The following MBP variants were observed in gnomAD, a reference collection of about 807,000 sequenced individuals.
MBP encodes Golli-MBP.
MBP carries 16 observed loss-of-function variants against 35.8 expected under a neutral mutation model. The observed-to-expected ratio is 0.45, with a 90% CI of 0.30 to 0.68. MBP has a LOEUF of 0.68. Ranked by LOEUF, MBP falls within the 30% of genes least tolerant of loss-of-function variation. The pLI is 0.08. For synonymous variants in MBP, 143 were observed against 159.6 expected, an observed-to-expected ratio of 0.90 and a Z score of 0.78; for missense variants, 380 against 404.7, an observed-to-expected ratio of 0.94 and a Z score of 0.52.
intron 1 of MBP, among the ~76,000 whole-genome samples, chr18:77,106,923 T>C (rs1395234240): frequency 6.6e-6 from 1 of 152,186 alleles, no homozygotes; most frequent in East Asian, 1.9e-4. Flanking sequence ...GCACATGTGG[T>C]GCCTTACTGG....
chr18:77,037,877 G>A lies in MBP; in HGVS notation c.140-20609C>T, dbSNP rs184948282. On this transcript the variant is annotated intron_variant, in intron 3 of 8. Coordinates refer to ENST00000355994, the MANE Select transcript of MBP (RefSeq NM_001025101.2). ...GAACAGGCCTCCCGAGGTCTGCAGC[G>A]TGTTCACCAATTATACAGAAATAAT... Among the ~76,000 whole-genome samples, 20 of 152,368 alleles carry A rather than the reference G, an allele frequency of 1.3e-4. No homozygotes were observed. In the South Asian group the frequency reaches 1.5e-3, roughly 11 times the overall value.
chr18:77,124,084 G>C (rs72973252), intron 1 of MBP, among the ~76,000 whole-genome samples: 40,350 of 151,958 alleles, frequency 0.27, 5,281 homozygotes, highest in Middle Eastern at 0.34. Flanking sequence ...CTCTCTGGGA[G>C]CATCCCGTGT....
At chr18:77,056,726 G>C (rs1973739330) in intron 3 of MBP, among the ~76,000 whole-genome samples, 1 of 152,166 alleles carries the variant, frequency 6.6e-6, no homozygotes, top group Non-Finnish European at 1.5e-5. Flanking sequence ...TTCCCTGCCT[G>C]TCTCACTCTC....
intron 3 of MBP, among the ~76,000 whole-genome samples, chr18:77,034,582 C>T (rs1477514457): frequency 6.6e-6 from 1 of 152,232 alleles, no homozygotes; most frequent in East Asian, 1.9e-4. Context: ...CTGCCTCCCA[C>T]AGTGGAGCCT....
At chr18:77,108,609 G>T in intron 1 of MBP, 1 of 152,272 alleles carries the variant, frequency 6.6e-6, no homozygotes. Flanking sequence ...GTGTTACCTC[G>T]AGGGTTAACA....
Position 77,105,062 on chromosome 18 carries a change from A to T in MBP, c.51+149T>A, listed in dbSNP as rs200157643. ...CGTAATAAATCATAATTAATTATTA[A>T]TAATAATTAACAAGGACCAGGCTTC... On this transcript the variant is annotated intron_variant, in intron 2 of 8. Transcript: ENST00000355994. 5.8e-5 allele frequency: 20 copies of T among 342,364 alleles called. No homozygotes were observed. In the East Asian group the frequency reaches 6.4e-4, roughly 11 times the overall value. 21.2% of individuals were successfully genotyped at this position (342,364 alleles called of 1,614,324 possible). A position where few individuals can be genotyped will look rare whatever the true frequency, so the allele number is the denominator to read the frequency against.
rs1285241931 is a variant in MBP, at chr18:76,989,264, A to G, written c.682-352T>C. On this transcript the variant is annotated intron_variant, in intron 5 of 8. Transcript: ENST00000355994. The surrounding 1 kb of genome is among the most constrained non-coding windows in gnomAD (Gnocchi z 4.0). The stretch of plus-strand genomic sequence containing the variant: ...GGCTAGGAGTAGCGGGCCCTCTGAC[A>G]TTCAGAGCTTCCAAGGGGATGTCCC... Among the ~76,000 whole-genome samples, 1 of 152,196 alleles carries G rather than the reference A, an allele frequency of 6.6e-6. No homozygotes were observed. The highest frequency in any genetic ancestry group is 1.5e-5 in the Non-Finnish European group (1 of 68,024).
chr18:77,066,815 G>A (rs1280414757), intron 2 of MBP, among the ~76,000 whole-genome samples: 1 of 152,250 alleles, frequency 6.6e-6, no homozygotes. Context: ...ACTTTGATGG[G>A]AGAATGAGTC....
At chr18:77,097,914 T>TAAA (rs201927684) in intron 2 of MBP, among the ~76,000 whole-genome samples, 15 of 151,458 alleles carry the variant, frequency 9.9e-5, no homozygotes, top group East Asian at 2.0e-4. Context: ...ATCTTTTTTT[T>TAAA]AAAAAAATAC....
At chr18:77,027,618 A>G (rs8097284) in intron 3 of MBP, among the ~76,000 whole-genome samples, 102,447 of 151,734 alleles carry the variant, frequency 0.68, 34,810 homozygotes, top group East Asian at 0.8. Flanking sequence ...ACTTCCCCAC[A>G]GAGGGGCTTT....
intron 3 of MBP, among the ~76,000 whole-genome samples, chr18:77,064,547 C>T (rs1410457641): frequency 3.3e-5 from 5 of 152,066 alleles, no homozygotes; most frequent in African/African-American, 4.8e-5. Context: ...TTTTCATGGA[C>T]GCTTAAGATA....
intron 3 of MBP, among the ~76,000 whole-genome samples, chr18:77,057,317 C>G (rs1438001509): frequency 6.6e-6 from 1 of 152,190 alleles, no homozygotes; most frequent in Non-Finnish European, 1.5e-5. Flanking sequence ...ATCTGACATG[C>G]AAGGCGGGGT....
At chr18:77,098,695 C>T (rs1258114030) in intron 2 of MBP, among the ~76,000 whole-genome samples, 1 of 152,132 alleles carries the variant, frequency 6.6e-6, no homozygotes, top group Non-Finnish European at 1.5e-5. Context: ...CAGGTCTGAG[C>T]CTTTACCGTA....
intron 3 of MBP, among the ~76,000 whole-genome samples, chr18:77,025,216 C>A (rs908400107): frequency 5.3e-5 from 8 of 152,200 alleles, no homozygotes; most frequent in Non-Finnish European, 1.2e-4. Flanking sequence ...CCTTCTCCAG[C>A]CCAAAGTGGC....
chr18:77,098,001 A>G (rs1014600646), intron 2 of MBP, among the ~76,000 whole-genome samples: 1 of 151,926 alleles, frequency 6.6e-6, no homozygotes, highest in Non-Finnish European at 1.5e-5. Flanking sequence ...CCTCTATGTG[A>G]GCCCTCCCCG....
intron 2 of MBP, among the ~76,000 whole-genome samples, chr18:77,098,683 C>G (rs907669104): frequency 5.3e-5 from 8 of 152,182 alleles, no homozygotes; most frequent in Admixed American, 3.9e-4. Flanking sequence ...GTGCTAAGGT[C>G]CCAGGTCTGA....
At chr18:77,077,514 T>C (rs907913247) in intron 2 of MBP, among the ~76,000 whole-genome samples, 1 of 152,190 alleles carries the variant, frequency 6.6e-6, no homozygotes, top group African/African-American at 2.4e-5. Flanking sequence ...TCTGGGTAGA[T>C]GACAAGGCAA....
rs116993434 is a variant in MBP at position 77,039,570 on chromosome 18, T to C, written c.140-22302A>G. Among the ~76,000 whole-genome samples the C allele has an allele frequency of 1.6e-4, 24 of 152,290 alleles. No homozygotes were observed. In the East Asian group the frequency reaches 4.6e-3, roughly 29 times the overall value. Reference sequence around the variant, plus strand: ...TCTGGGATAATTTATGTTTAATTCATACCCAAGGGCCACCCTAGAACACAG... The same window carrying C: ...TCTGGGATAATTTATGTTTAATTCACACCCAAGGGCCACCCTAGAACACAG... On this transcript the variant is annotated intron_variant, in intron 3 of 8. Coordinates refer to ENST00000355994, the MANE Select transcript of MBP (RefSeq NM_001025101.2).
chr18:77,066,104 C>A, intron 3 of MBP, 194 bp downstream of exon 3: 1 of 527,112 alleles, frequency 1.9e-6, no homozygotes, highest in Middle Eastern at 3.4e-4. Context: ...CTCAAGCGAT[C>A]CTCTTGCATA....
Sources: gnomAD v4.1 joint callset for allele counts (sites outside exome capture counted in the v4.1 genomes callset) on GRCh38, gnomAD v4.1.1 for gene constraint, Gnocchi (gnomAD v3.1) non-coding constraint, MANE v1.5 for transcripts, NCBI Gene and HGNC (gene_info 2026-07-23, HGNC 2026-07-21) for gene names.